Variants in MKNK2 observed in about 807,000 individuals in gnomAD.
The protein encoded by MKNK2 is MAP kinase-interacting serine/threonine-protein kinase 2.
In MKNK2, 54 loss-of-function variants were observed where a neutral mutation model predicts 55.0. The ratio of observed to expected loss-of-function variants is 0.98; its 90% CI spans 0.79 to 1.23. MKNK2 has a LOEUF of 1.23. Ranked by LOEUF, MKNK2 falls within the 50% of genes most tolerant of loss-of-function variation. MKNK2 has a pLI of 0.00. For synonymous variants in MKNK2, 323 were observed against 256.0 expected, an observed-to-expected ratio of 1.26 and a Z score of -2.50; for missense variants, 685 against 632.1, an observed-to-expected ratio of 1.08 and a Z score of -0.90.
chr19:2,039,916 G>GA (rs1383072060), intron 13 of MKNK2, 60 bp from the exon 14 acceptor site: 2 of 1,542,846 alleles, frequency 1.3e-6, no homozygotes, highest in African/African-American at 2.7e-5. Context: ...GACCCCTGGG[G>GA]TCTGTGAAGG....
Position 2,037,868 on chromosome 19 carries a change from C to G in MKNK2, c.*1745G>C. 6.5e-7 allele frequency: 1 copy of G among 1,549,542 alleles called. No homozygotes were observed. Among genetic ancestry groups the G allele is most frequent in the Non-Finnish European group, 8.8e-7 (1 of 1,141,266 alleles). On this transcript the variant is annotated 3_prime_UTR_variant, in exon 14 of 14. Coordinates refer to ENST00000250896, the MANE Select transcript of MKNK2 (RefSeq NM_199054.3). ...AAAAAAAACAAACAAACAAACGCTG[C>G]TAGCCACTCAGCTTTAGAGACCCGA...
chr19:2,039,229 G>A lies in MKNK2; in HGVS notation c.*384C>T, dbSNP rs115788085. On this transcript the variant is annotated 3_prime_UTR_variant, in exon 14 of 14. Coordinates refer to ENST00000250896, the MANE Select transcript of MKNK2 (RefSeq NM_199054.3). ...AGCTCTGCAAGATGGCAAACGCTGT[G>A]GGCCTGCTCTCCTGAGTCACTGCAA... The A allele has an allele frequency of 1.8e-3, 1,951 of 1,070,008 alleles. 23 individuals carry two copies. The African/African-American group carries it at 0.03, about 17-fold the overall frequency. 66.3% of individuals were successfully genotyped at this position (1,070,008 alleles called of 1,614,324 possible).
intron 10 of MKNK2, 147 bp downstream of exon 10, chr19:2,042,275 CCGCCG>C: frequency 1.2e-6 from 1 of 805,808 alleles, no homozygotes; most frequent in Non-Finnish European, 1.9e-6. Context: ...GCTCGAGGCC[CCGCCG>C]CGACACCCCG....
rs552915124 is a variant in MKNK2, at chr19:2,049,308, G to A, written c.51+1493C>T. On this transcript the variant is annotated intron_variant, in intron 2 of 13. Transcript: ENST00000250896. ...CTCCCTGCTGGGCTGCTGCCTGCTG[G>A]AGGCAAGGAGAGTATTTCAGGAGAG... Among the ~76,000 whole-genome samples, 187 of 152,354 alleles carry A rather than the reference G, an allele frequency of 1.2e-3. 1 individual carries two copies. The highest frequency in any genetic ancestry group is 2.0e-3 in the Non-Finnish European group (138 of 68,028).
At chr19:2,050,498 G>A (rs1362759517) in intron 2 of MKNK2, among the ~76,000 whole-genome samples, 1 of 152,356 alleles carries the variant, frequency 6.6e-6, no homozygotes, top group South Asian at 2.1e-4. Context: ...CCCGGCGGGG[G>A]CTTGCAGGGG....
intron 7 of MKNK2, 88 bp from the exon 8 acceptor site, chr19:2,042,958 G>A (rs925999740): frequency 7.7e-6 from 11 of 1,422,534 alleles, no homozygotes; most frequent in African/African-American, 2.8e-5. Context: ...CCACTTTGGC[G>A]GGGACGCCCC....
rs2017106584 is a variant in MKNK2, at chr19:2,050,994, C to T, written c.-96-47G>A. 3 of 463,530 alleles carry T rather than the reference C, an allele frequency of 6.5e-6. No individual in the cohort carries two copies. The South Asian group carries it at 1.5e-4, about 23-fold the overall frequency. The allele number at this position is 463,530 out of a possible 1,614,324, so 28.7% of individuals were successfully genotyped here. On this transcript the variant is annotated intron_variant, in intron 1 of 13. Transcript: ENST00000250896. ...GGGAGGGCGGTGAGCGGAGCCCGGC[C>T]TGCCAGGAGCGCGGACCGGGCGGGG...
At position 2,037,798 on chromosome 19, in the gene MKNK2, G is replaced by C; in HGVS notation, c.*1815C>G. The C allele has an allele frequency of 6.2e-7, 1 of 1,607,306 alleles. No individual in the cohort carries two copies. Among genetic ancestry groups the C allele is most frequent in the Non-Finnish European group, 8.5e-7 (1 of 1,176,576 alleles). The stretch of plus-strand genomic sequence containing the variant: ...CCAGGTCGCACGTGGATGCGACAGG[G>C]GTGGGGAGGGAGGAGGAAGTGACTG... On this transcript the variant is annotated 3_prime_UTR_variant, in exon 14 of 14. Coordinates refer to ENST00000250896, the MANE Select transcript of MKNK2 (RefSeq NM_199054.3).
intron 5 of MKNK2, among the ~76,000 whole-genome samples, chr19:2,044,099 G>A (rs1210909125): frequency 6.6e-6 from 1 of 151,944 alleles, no homozygotes; most frequent in East Asian, 1.9e-4. Context: ...CAGGACGTGA[G>A]GGTTCCCTGC....
Position 2,041,074 on chromosome 19 carries a change from G to A in MKNK2, c.1076C>T (p.Ala359Val), listed in dbSNP as rs781187717. 1 of 1,614,018 alleles carries A rather than the reference G, an allele frequency of 6.2e-7. No individual in the cohort carries two copies. The highest frequency in any genetic ancestry group is 8.5e-7 in the Non-Finnish European group (1 of 1,179,966). The change falls in exon 12 of 14, where the codon GCC becomes GTC. Residue 359 changes from alanine (A) to valine (V), a missense_variant. Transcript: ENST00000250896. Reference sequence around the variant, plus strand: ...CCAGGGGTGCTGCAGGACTTGGGCGGCACTCAGCCTCTGCTTGGCGTCACG... The same window carrying A: ...CCAGGGGTGCTGCAGGACTTGGGCGACACTCAGCCTCTGCTTGGCGTCACG... ...LVRDAKQRLS[A>V]AQVLQHPWVQ...
At chr19:2,042,720 C>T (rs1039116356) in intron 8 of MKNK2, 46 bp downstream of exon 8, 28 of 1,546,944 alleles carry the variant, frequency 1.8e-5, no homozygotes, top group Non-Finnish European at 2.0e-5. Flanking sequence ...TTCCAGGAGT[C>T]CTTGGCAGGC....
intron 10 of MKNK2, 129 bp downstream of exon 10, chr19:2,042,298 A>G (rs2016905734): frequency 4.5e-6 from 4 of 886,650 alleles, no homozygotes; most frequent in Non-Finnish European, 5.1e-6. Flanking sequence ...CCGCCCAACC[A>G]ATCAGCGGCT....
At chr19:2,045,980 C>CA (rs2016986757) in intron 5 of MKNK2, among the ~76,000 whole-genome samples, 2 of 152,216 alleles carry the variant, frequency 1.3e-5, no homozygotes, top group Non-Finnish European at 2.9e-5. Context: ...CCAATGGGCA[C>CA]AGTGCCTCTG....
chr19:2,044,693 G>A (rs771024442), intron 5 of MKNK2, among the ~76,000 whole-genome samples: 3 of 152,228 alleles, frequency 2.0e-5, no homozygotes, highest in Non-Finnish European at 4.4e-5. Flanking sequence ...TCCCAGCGAG[G>A]GGCAAGAGAA....
intron 6 of MKNK2, 136 bp downstream of exon 6, chr19:2,043,367 T>G (rs2078860742): frequency 2.9e-6 from 3 of 1,033,062 alleles, no homozygotes; most frequent in Non-Finnish European, 4.5e-6. Flanking sequence ...TCAGCCAGCC[T>G]GCTTCAGGGA....
rs941659352 is a variant in MKNK2, at chr19:2,050,541, C to T, written c.51+260G>A. Among the ~76,000 whole-genome samples, 12 of 152,346 alleles carry T rather than the reference C, an allele frequency of 7.9e-5. No individual in the cohort carries two copies. In the East Asian group the frequency reaches 2.1e-3, roughly 27 times the overall value. Reference sequence around the variant, plus strand: ...GCCTGGTGCCCTGACCCGGAGGGGGCTCCTGCTCCCAGCCTCACTTGGGGG... The same window carrying T: ...GCCTGGTGCCCTGACCCGGAGGGGGTTCCTGCTCCCAGCCTCACTTGGGGG... On this transcript the variant is annotated intron_variant, in intron 2 of 13. Transcript: ENST00000250896.
At chr19:2,040,624 C>A (rs1384195611) in intron 12 of MKNK2, 4 of 281,320 alleles carry the variant, frequency 1.4e-5, no homozygotes, top group South Asian at 5.8e-5. Flanking sequence ...CAGCTCAGCT[C>A]AGATGACCTC....
chr19:2,049,096 C>T (rs2017058798), intron 2 of MKNK2, among the ~76,000 whole-genome samples: 1 of 152,206 alleles, frequency 6.6e-6, no homozygotes, highest in African/African-American at 2.4e-5. Context: ...GTGCCAGCCA[C>T]AGCCTCCAAC....
rs76836349 is a variant in MKNK2 at position 2,050,469 on chromosome 19, G to A, written c.51+332C>T. Reference sequence around the variant, plus strand: ...AGCGACTGGGACAGGACTGCAGCCTGCTGACCCCCCAGAACATACCCGGCG... The same window carrying A: ...AGCGACTGGGACAGGACTGCAGCCTACTGACCCCCCAGAACATACCCGGCG... On this transcript the variant is annotated intron_variant, in intron 2 of 13. Coordinates refer to ENST00000250896, the MANE Select transcript of MKNK2 (RefSeq NM_199054.3). 8.6e-3 allele frequency among the ~76,000 whole-genome samples: 1,307 copies of A among 152,310 alleles called. 19 individuals carry two copies. The highest frequency in any genetic ancestry group is 0.029 in the African/African-American group (1,206 of 41,556).
Sources: gnomAD v4.1 joint callset for allele counts (sites outside exome capture counted in the v4.1 genomes callset) on GRCh38, gnomAD v4.1.1 for gene constraint, MANE v1.5 for transcripts, NCBI Gene and HGNC (gene_info 2026-07-23, HGNC 2026-07-21) for gene names.